SGK1: variants seen among roughly 807,000 people sequenced by gnomAD.
SGK1 encodes the protein serum/glucocorticoid regulated kinase 1.
In SGK1, 26 loss-of-function variants were observed where a neutral mutation model predicts 64.2. The ratio of observed to expected loss-of-function variants is 0.40; its 90% CI spans 0.30 to 0.56. The LOEUF is 0.56. SGK1 is among the 20% of genes least tolerant of loss of function. SGK1 has a pLI of 0.38. For missense variants in SGK1, 519 were observed against 645.6 expected, an observed-to-expected ratio of 0.80 and a Z score of 2.12; for synonymous variants, 265 against 239.7, an observed-to-expected ratio of 1.11 and a Z score of -0.98.
At position 134,207,445 on chromosome 6, in the gene SGK1, A is replaced by G; in HGVS notation, c.286-14T>C. 1 of 1,572,540 alleles carries G rather than the reference A, an allele frequency of 6.4e-7. No homozygotes were observed. Among genetic ancestry groups the G allele is most frequent in the Non-Finnish European group, 8.7e-7 (1 of 1,143,792 alleles). ...TGGCTCTCTCACCTTTAAAACATAA[A>G]GAGAAAAGAAGTGATATAAAAATGG... On this transcript the variant is annotated splice_polypyrimidine_tract_variant and intron_variant, in intron 2 of 13. Transcript: ENST00000367858.
intron 3 of SGK1, among the ~76,000 whole-genome samples, chr6:134,198,937 G>C (rs1775637194): frequency 6.6e-6 from 1 of 152,024 alleles, no homozygotes; most frequent in African/African-American, 2.4e-5. Context: ...CCAGGCTGGA[G>C]TGCAATGGCA....
intron 2 of SGK1, among the ~76,000 whole-genome samples, chr6:134,228,813 G>T (rs143695676): frequency 0.012 from 1,755 of 151,210 alleles, 35 homozygotes; most frequent in African/African-American, 0.041. Flanking sequence ...TTTATAAAAG[G>T]AAAGAAAATT....
intron 3 of SGK1, among the ~76,000 whole-genome samples, chr6:134,195,201 A>T (rs1775578093): frequency 6.6e-6 from 1 of 152,236 alleles, no homozygotes; most frequent in South Asian, 2.1e-4. Flanking sequence ...AAATAGTTTT[A>T]AAAGAATCCT....
At chr6:134,184,247 T>C (rs1384529534) in intron 3 of SGK1, among the ~76,000 whole-genome samples, 1 of 151,886 alleles carries the variant, frequency 6.6e-6, no homozygotes, top group Non-Finnish European at 1.5e-5. Context: ...GCCTGTAATA[T>C]CAGAACTTTG....
chr6:134,183,112 G>A (rs1410365435), intron 3 of SGK1, among the ~76,000 whole-genome samples: 1 of 152,128 alleles, frequency 6.6e-6, no homozygotes, highest in East Asian at 1.9e-4. Context: ...GCTGAACCTA[G>A]CCTCTGTTAG....
chr6:134,241,500 T>A (rs1197138077), intron 2 of SGK1, among the ~76,000 whole-genome samples: 1 of 151,868 alleles, frequency 6.6e-6, no homozygotes, highest in Non-Finnish European at 1.5e-5. Flanking sequence ...TTTGGTCTGA[T>A]CTATCTGGGG....
At chr6:134,213,507 G>A (rs1206462023) in intron 2 of SGK1, among the ~76,000 whole-genome samples, 3 of 150,978 alleles carry the variant, frequency 2.0e-5, no homozygotes, top group Admixed American at 6.7e-5. Context: ...GGTGACAAGA[G>A]CAAAACTCTG....
chr6:134,280,955 G>C (rs1480495646), intron 1 of SGK1, among the ~76,000 whole-genome samples: 1 of 152,150 alleles, frequency 6.6e-6, no homozygotes, highest in Non-Finnish European at 1.5e-5. Flanking sequence ...AGTAACCCCA[G>C]CTACTTGAGG....
chr6:134,219,695 G>T (rs1582720450), intron 2 of SGK1, among the ~76,000 whole-genome samples: 1 of 150,668 alleles, frequency 6.6e-6, no homozygotes, highest in Non-Finnish European at 1.5e-5. Flanking sequence ...GGGAGGCAGA[G>T]GTTGCGGTGA....
chr6:134,273,365 C>T lies in SGK1; in HGVS notation c.70-11217G>A, dbSNP rs1012513108. Among the ~76,000 whole-genome samples, 13 of 146,328 alleles carry T rather than the reference C, an allele frequency of 8.9e-5. 1 individual carries two copies. Among genetic ancestry groups the T allele is most frequent in the Non-Finnish European group, 2.0e-4 (13 of 66,270 alleles). ...TTACACTTTGGGAGGCCGAGGTGGG[C>T]GGATCACGAGGTCAGGAGATCGAAA... On this transcript the variant is annotated intron_variant, in intron 1 of 13. Coordinates refer to ENST00000367858, the MANE Select transcript of SGK1 (RefSeq NM_001143676.3).
intron 1 of SGK1, among the ~76,000 whole-genome samples, chr6:134,289,649 C>T (rs1777234282): frequency 6.6e-6 from 1 of 151,672 alleles, no homozygotes; most frequent in Non-Finnish European, 1.5e-5. Context: ...TATTTTACAT[C>T]TAAAGTACAT....
intron 3 of SGK1, among the ~76,000 whole-genome samples, chr6:134,204,221 AAAATAAATAAATAAATAAAT>A (rs146311627): frequency 9.3e-5 from 13 of 139,122 alleles, no homozygotes; most frequent in African/African-American, 2.6e-4. Context: ...AACTAGGCAA[AAAATAAATAAATAAATAAAT>A]AAATAAATAA....
Position 134,317,666 on chromosome 6 carries a change from C to A in SGK1, c.-206G>T, listed in dbSNP as rs776933231. 220 of 581,740 alleles carry A rather than the reference C, an allele frequency of 3.8e-4. No homozygotes were observed. The Middle Eastern group carries it at 6.0e-3, about 16-fold the overall frequency. The allele number at this position is 581,740 out of a possible 1,614,324, so 36.0% of individuals were successfully genotyped here. On this transcript the variant is annotated 5_prime_UTR_variant, in exon 1 of 14. Coordinates refer to ENST00000367858, the MANE Select transcript of SGK1 (RefSeq NM_001143676.3). Reference sequence around the variant, plus strand: ...CCCCACTTTCAGTTGCCACCGACAGCGGCTTTTCTCCTTCCATCATTGCTC... The same window carrying A: ...CCCCACTTTCAGTTGCCACCGACAGAGGCTTTTCTCCTTCCATCATTGCTC...
chr6:134,213,549 AATGTCCTCATGAAACACCTGTGGCT>A, intron 2 of SGK1, among the ~76,000 whole-genome samples: 1 of 111,402 alleles, frequency 9.0e-6, no homozygotes. Context: ...AAATAAATAA[AATGTCCTCATGAAACACCTGTGGCT>A]TAGCATTCCA....
Position 134,172,272 on chromosome 6 carries a change from A to G in SGK1, c.992T>C (p.Ile331Thr). 2 of 1,613,770 alleles carry G rather than the reference A, an allele frequency of 1.2e-6. No homozygotes were observed. The highest frequency in any genetic ancestry group is 1.7e-6 in the Non-Finnish European group (2 of 1,179,646). Reference protein sequence around the residue: ...ENILLDSQGHIVLTDFGLCKE... With the variant: ...ENILLDSQGHTVLTDFGLCKE... ...GCAGAGTCCGAAGTCAGTAAGGACA[A>G]TGTGTCCCTGTGAATCTAGCAAAAT... Residue 331 changes from isoleucine (I) to threonine (T), a missense_variant, in exon 10 of 14, where the codon ATT becomes ACT. Physicochemically the swap from Ile to Thr is moderately conservative, Grantham distance 89. Transcript: ENST00000367858.
chr6:134,197,552 G>A (rs918281954), intron 3 of SGK1, among the ~76,000 whole-genome samples: 4 of 152,216 alleles, frequency 2.6e-5, no homozygotes, highest in African/African-American at 7.2e-5. Flanking sequence ...TAGGCCGGGC[G>A]TGGTGGTTCA....
At chr6:134,290,108 C>G (rs1777241350) in intron 1 of SGK1, among the ~76,000 whole-genome samples, 1 of 146,838 alleles carries the variant, frequency 6.8e-6, no homozygotes, top group South Asian at 2.2e-4. Flanking sequence ...CGAGACCACG[C>G]CATTGCACTC....
intron 2 of SGK1, among the ~76,000 whole-genome samples, chr6:134,257,430 CAAAA>C (rs1405679682): frequency 2.6e-5 from 4 of 152,084 alleles, no homozygotes; most frequent in Non-Finnish European, 5.9e-5. Flanking sequence ...CAAAACAAAA[CAAAA>C]AACCCACAAT....
At chr6:134,221,946 C>T (rs1776096678) in intron 2 of SGK1, among the ~76,000 whole-genome samples, 1 of 152,170 alleles carries the variant, frequency 6.6e-6, no homozygotes, top group African/African-American at 2.4e-5. Flanking sequence ...AGCTACCACG[C>T]CCGGCTGGCA....
Sources: allele counts gnomAD v4.1 joint callset (sites outside exome capture counted in the v4.1 genomes callset), GRCh38; gene constraint gnomAD v4.1.1; transcripts MANE v1.5; gene names NCBI Gene and HGNC (gene_info 2026-07-23, HGNC 2026-07-21).